Variants in MARK3 observed in about 807,000 individuals in gnomAD.
The protein encoded by MARK3 is MAP/microtubule affinity-regulating kinase 3.
In MARK3, 46 loss-of-function variants were observed where a neutral mutation model predicts 90.1. That is an observed-to-expected ratio of 0.51 (90% confidence interval 0.40 to 0.65). The LOEUF is 0.65. Ranked by LOEUF, MARK3 falls within the 30% of genes least tolerant of loss-of-function variation. The pLI is 0.00. For missense variants in MARK3, 818 were observed against 947.2 expected, an observed-to-expected ratio of 0.86 and a Z score of 1.79; for synonymous variants, 321 against 332.6, an observed-to-expected ratio of 0.97 and a Z score of 0.38.
At position 103,481,868 on chromosome 14, in the gene MARK3, G is replaced by A. The variant is rs112281962; in HGVS notation, c.1586+1378G>A. ...TGCAAGCTCCGCCTCCCGGGTTCACGCCATTCTCCTGCCTCAGCCTCCCGA... is the reference window on the plus strand; with the variant it reads ...TGCAAGCTCCGCCTCCCGGGTTCACACCATTCTCCTGCCTCAGCCTCCCGA... On this transcript the variant is annotated intron_variant, in intron 14 of 17. Transcript: ENST00000429436. 1.1e-3 allele frequency among the ~76,000 whole-genome samples: 140 copies of A among 132,352 alleles called. 2 individuals carry two copies. Among genetic ancestry groups the A allele is most frequent in the African/African-American group, 3.8e-3 (138 of 35,996 alleles). The allele number at this position is 132,352 out of a possible 152,430, so 86.8% of individuals were successfully genotyped here. A position where few individuals can be genotyped will look rare whatever the true frequency, so the allele number is the denominator to read the frequency against.
chr14:103,401,078 T>G (rs2090939831), intron 1 of MARK3, among the ~76,000 whole-genome samples: 1 of 151,618 alleles, frequency 6.6e-6, no homozygotes, highest in Admixed American at 6.6e-5. Context: ...GTTTAAATGT[T>G]TAATGTTGGT....
At chr14:103,456,101 G>A (rs2093272841) in intron 5 of MARK3, among the ~76,000 whole-genome samples, 1 of 152,080 alleles carries the variant, frequency 6.6e-6, no homozygotes, top group Admixed American at 6.5e-5. Flanking sequence ...TTAATGTTGT[G>A]TAAACTGCCA....
intron 12 of MARK3, among the ~76,000 whole-genome samples, chr14:103,474,043 A>AT (rs2093673480): frequency 7.7e-6 from 1 of 130,382 alleles, no homozygotes; most frequent in East Asian, 2.0e-4. Context: ...AAAAAAAAAA[A>AT]AATATATACA....
intron 16 of MARK3, 187 bp downstream of exon 16, chr14:103,498,715 G>A (rs2075483974): frequency 4.7e-6 from 2 of 422,450 alleles, no homozygotes; most frequent in Non-Finnish European, 7.7e-6. Flanking sequence ...GCATTTTAAA[G>A]GGACTATGGT....
chr14:103,399,699 C>CAAAAAAAAAAAAAGA (rs1401487950), intron 1 of MARK3, among the ~76,000 whole-genome samples: 1 of 84,334 alleles, frequency 1.2e-5, no homozygotes, highest in Non-Finnish European at 2.4e-5. Flanking sequence ...GACTCCATCT[C>CAAAAAAAAAAAAAGA]AAAAAAAAAA....
intron 2 of MARK3, among the ~76,000 whole-genome samples, chr14:103,422,732 AT>A (rs2092267472): frequency 6.6e-6 from 1 of 152,172 alleles, no homozygotes. Context: ...TATTTTAATA[AT>A]AGTGTATTAT....
chr14:103,418,219 C>CTTTTTTTTTTT (rs36012703), intron 2 of MARK3, among the ~76,000 whole-genome samples: 78 of 61,630 alleles, frequency 1.3e-3, no homozygotes, highest in Admixed American at 2.0e-3. Context: ...ATAGTAAAGG[C>CTTTTTTTTTTT]TTTTTTTTTT....
In MARK3 at chr14:103,404,117, T is replaced by C. The variant is rs58189235; in HGVS notation, c.52-959T>C. Among the ~76,000 whole-genome samples the C allele has an allele frequency of 6.1e-3, 934 of 152,342 alleles. 12 individuals carry two copies. Among genetic ancestry groups the C allele is most frequent in the African/African-American group, 0.021 (884 of 41,578 alleles). On this transcript the variant is annotated intron_variant, in intron 1 of 17. Transcript: ENST00000429436. ...AGATGGCGCAAGTTTTAAAGCTTAC[T>C]TTCACTTTAAAACACCTGAGTTTCA...
At chr14:103,431,488 G>A in intron 3 of MARK3, among the ~76,000 whole-genome samples, 1 of 152,170 alleles carries the variant, frequency 6.6e-6, no homozygotes, top group Middle Eastern at 3.2e-3. Flanking sequence ...AAAATTAGCT[G>A]GGCGTGGTGG....
chr14:103,470,392 T>C, intron 12 of MARK3, among the ~76,000 whole-genome samples: 1 of 151,294 alleles, frequency 6.6e-6, no homozygotes, highest in East Asian at 1.9e-4. Flanking sequence ...CCCATAACTA[T>C]AAATGTTAAC....
At chr14:103,399,995 C>T (rs2090854166) in intron 1 of MARK3, among the ~76,000 whole-genome samples, 1 of 150,714 alleles carries the variant, frequency 6.6e-6, no homozygotes, top group Non-Finnish European at 1.5e-5. Context: ...GTGGCGGAAT[C>T]TCAGCTCACT....
intron 2 of MARK3, among the ~76,000 whole-genome samples, chr14:103,424,098 C>T (rs897410304): frequency 3.3e-5 from 5 of 152,040 alleles, no homozygotes; most frequent in African/African-American, 1.2e-4. Flanking sequence ...ATCCCAGCTA[C>T]TTGGGGGAGG....
At chr14:103,451,252 A>G (rs921094075) in intron 4 of MARK3, among the ~76,000 whole-genome samples, 9 of 152,006 alleles carry the variant, frequency 5.9e-5, no homozygotes, top group African/African-American at 2.2e-4. Context: ...TATATTTCTA[A>G]TAAGGTTTTA....
At chr14:103,396,640 G>T (rs1033363509) in intron 1 of MARK3, among the ~76,000 whole-genome samples, 1 of 152,080 alleles carries the variant, frequency 6.6e-6, no homozygotes, top group Non-Finnish European at 1.5e-5. Context: ...GCTAATGGTG[G>T]GTTGTTGTAG....
chr14:103,467,470 G>T, intron 11 of MARK3: 1 of 212,546 alleles, frequency 4.7e-6, no homozygotes, highest in Non-Finnish European at 9.3e-6. Context: ...TTCGAGACCA[G>T]ACTGGCCAAC....
At chr14:103,444,295 G>A (rs1170167917) in intron 3 of MARK3, among the ~76,000 whole-genome samples, 1 of 151,908 alleles carries the variant, frequency 6.6e-6, no homozygotes, top group African/African-American at 2.4e-5. Flanking sequence ...GCCTTCAAAG[G>A]TATTTATTCT....
intron 14 of MARK3, among the ~76,000 whole-genome samples, chr14:103,487,831 G>A (rs888932231): frequency 4.6e-5 from 7 of 152,028 alleles, no homozygotes; most frequent in South Asian, 2.1e-4. Flanking sequence ...GGTGGATCAC[G>A]AGGTCAGGAG....
chr14:103,467,181 A>G lies in MARK3; in HGVS notation c.1100A>G (p.Lys367Arg). The G allele has an allele frequency of 6.4e-7, 1 of 1,555,298 alleles. No homozygotes were observed. The highest frequency in any genetic ancestry group is 8.8e-7 in the Non-Finnish European group (1 of 1,131,448). ...ITATYLLLGRKSSELDASDSS... is the reference protein window; with the variant it reads ...ITATYLLLGRRSSELDASDSS... ...GCTACATATTTGTTATTGGGGAGAA[A>G]ATCTTCAGAGGTAAGAGTAATCAGA... Residue 367 changes from lysine to arginine, a missense_variant, in exon 11 of 18, where the codon AAA becomes AGA. Physicochemically the swap from Lys to Arg is conservative, Grantham distance 26 (BLOSUM62 2). Around this residue, in one of 3 missense-constraint regions of MARK3, gnomAD observed 560 missense variants for 613.5 expected, o/e 0.91. Transcript: ENST00000429436.
At chr14:103,413,727 A>C (rs1374658908) in intron 2 of MARK3, among the ~76,000 whole-genome samples, 1 of 151,784 alleles carries the variant, frequency 6.6e-6, no homozygotes, top group African/African-American at 2.4e-5. Context: ...CAAAGTGCTG[A>C]GATTACAGGC....
Sources: gnomAD v4.1 joint callset for allele counts (sites outside exome capture counted in the v4.1 genomes callset) on GRCh38, gnomAD v4.1.1 for gene constraint, gnomAD v4.1.1 regional missense constraint, MANE v1.5 for transcripts, NCBI Gene and HGNC (gene_info 2026-07-23, HGNC 2026-07-21) for gene names.